The following CDC14A variants were observed in gnomAD, a reference collection of about 807,000 sequenced individuals.
CDC14A encodes dual specificity protein phosphatase CDC14A.
A neutral mutation model predicts 74.4 loss-of-function variants in CDC14A; 53 were observed. The ratio of observed to expected loss-of-function variants is 0.71; its 90% CI spans 0.57 to 0.89. The LOEUF (loss-of-function observed/expected upper bound fraction) is 0.89. Ranked by LOEUF, CDC14A falls within the 40% of genes least tolerant of loss-of-function variation. The pLI, the probability that CDC14A is intolerant of heterozygous loss-of-function variation, is 0.00. For missense variants in CDC14A, 646 were observed against 713.7 expected, an observed-to-expected ratio of 0.91 and a Z score of 1.08; for synonymous variants, 247 against 258.4, an observed-to-expected ratio of 0.96 and a Z score of 0.43.
intron 4 of CDC14A, among the ~76,000 whole-genome samples, chr1:100,403,698 T>TTAATCACCCTTTAATC (rs1488405879): frequency 1.3e-5 from 2 of 152,232 alleles, no homozygotes; most frequent in African/African-American, 2.4e-5. Flanking sequence ...ATCACTGTGT[T>TTAATCACCCTTTAATC]ACCCTTAAAG....
At chr1:100,443,303 G>A (rs953182109) in intron 7 of CDC14A, among the ~76,000 whole-genome samples, 1 of 151,760 alleles carries the variant, frequency 6.6e-6, no homozygotes, top group African/African-American at 2.4e-5. Context: ...TTAGAAATCA[G>A]GTTTTATTTA....
chr1:100,480,551 A>G lies in CDC14A; in HGVS notation c.978-3741A>G, dbSNP rs530867972. ...TGGATCATGTGGTAATTCTATGTTT[A>G]TCTTTCTGAGGAACTGTGAAACTGT... On this transcript the variant is annotated intron_variant, in intron 10 of 15. Coordinates refer to ENST00000336454, the MANE Select transcript of CDC14A (RefSeq NM_003672.4). Among the ~76,000 whole-genome samples the G allele has an allele frequency of 1.9e-3, 282 of 152,268 alleles. 3 individuals are homozygous for G. The Middle Eastern group carries it at 0.024, about 13-fold the overall frequency.
intron 1 of CDC14A, 124 bp downstream of exon 1, chr1:100,353,127 C>A: frequency 9.9e-7 from 1 of 1,011,400 alleles, no homozygotes; most frequent in East Asian, 2.6e-5. Flanking sequence ...GCGCTCTCGT[C>A]CCCTCTAGGG....
chr1:100,418,830 T>C (rs959129800), intron 4 of CDC14A, among the ~76,000 whole-genome samples: 2 of 152,170 alleles, frequency 1.3e-5, no homozygotes, highest in South Asian at 2.1e-4. Context: ...GTATCCTCCG[T>C]CTTTGCTCCC....
intron 2 of CDC14A, among the ~76,000 whole-genome samples, chr1:100,377,133 C>T (rs1032029895): frequency 5.9e-5 from 9 of 151,908 alleles, no homozygotes; most frequent in African/African-American, 1.9e-4. Context: ...CTCCACCTCC[C>T]GGGTTCAAGT....
intron 4 of CDC14A, among the ~76,000 whole-genome samples, chr1:100,411,622 T>C (rs551161692): frequency 6.6e-6 from 1 of 152,212 alleles, no homozygotes; most frequent in Admixed American, 6.5e-5. Flanking sequence ...GGCCTTCCCT[T>C]CTAATAAAAA....
chr1:100,459,114 C>CAGAGAGAGAGAG (rs1557781968), intron 8 of CDC14A, among the ~76,000 whole-genome samples: 1 of 147,974 alleles, frequency 6.8e-6, no homozygotes, highest in African/African-American at 2.6e-5. Context: ...CACACACACA[C>CAGAGAGAGAGAG]ACACACACAC....
At chr1:100,514,292 A>G (rs567851519) in intron 15 of CDC14A, among the ~76,000 whole-genome samples, 16 of 152,224 alleles carry the variant, frequency 1.1e-4, no homozygotes, top group Non-Finnish European at 2.1e-4. Flanking sequence ...AACTTTAATC[A>G]ACTCATAATA....
intron 5 of CDC14A, among the ~76,000 whole-genome samples, chr1:100,433,676 TAAG>T (rs1557755300): frequency 6.6e-6 from 1 of 152,226 alleles, no homozygotes; most frequent in Non-Finnish European, 1.5e-5. Flanking sequence ...TTATTCATAA[TAAG>T]AAATGCTTTC....
chr1:100,443,603 G>C (rs1398971538), intron 7 of CDC14A, among the ~76,000 whole-genome samples: 1 of 151,894 alleles, frequency 6.6e-6, no homozygotes, highest in Non-Finnish European at 1.5e-5. Context: ...CCAAAGTGCT[G>C]GGATTACAGG....
chr1:100,454,353 A>AG (rs1666458002), intron 7 of CDC14A, among the ~76,000 whole-genome samples: 1 of 143,050 alleles, frequency 7.0e-6, no homozygotes, highest in Admixed American at 6.9e-5. Context: ...GGGCAAGGGT[A>AG]GGGGTAGGTG....
At chr1:100,394,518 G>A (rs192919264) in intron 4 of CDC14A, among the ~76,000 whole-genome samples, 4 of 152,280 alleles carry the variant, frequency 2.6e-5, no homozygotes, top group African/African-American at 7.2e-5. Context: ...AATTAGATGC[G>A]TTGAGCTTGT....
chr1:100,491,572 A>ATTTTTTTTTT (rs59429516), intron 11 of CDC14A, among the ~76,000 whole-genome samples: 2 of 25,100 alleles, frequency 8.0e-5, no homozygotes, highest in African/African-American at 1.6e-4. Flanking sequence ...ATATATATAT[A>ATTTTTTTTTT]TTTTTTTTTT....
At chr1:100,390,915 T>C (rs1284456226) in intron 4 of CDC14A, 91 bp downstream of exon 4, 1 of 878,288 alleles carries the variant, frequency 1.1e-6, no homozygotes, top group Non-Finnish European at 1.9e-6. Flanking sequence ...TTCAGTGGGA[T>C]TGAGAGACGG....
At chr1:100,440,112 A>C in intron 6 of CDC14A, 114 bp downstream of exon 6, 1 of 746,070 alleles carries the variant, frequency 1.3e-6, no homozygotes, top group Non-Finnish European at 2.2e-6. Flanking sequence ...GCCAGTAAGT[A>C]GAAGGCTTTT....
At chr1:100,381,610 T>C (rs1310041057) in intron 3 of CDC14A, among the ~76,000 whole-genome samples, 1 of 152,228 alleles carries the variant, frequency 6.6e-6, no homozygotes, top group Non-Finnish European at 1.5e-5. Context: ...GATGTTTTTT[T>C]CCAGTTGATG....
At chr1:100,440,449 A>C (rs775971034) in intron 6 of CDC14A, among the ~76,000 whole-genome samples, 9 of 152,018 alleles carry the variant, frequency 5.9e-5, no homozygotes, top group Non-Finnish European at 1.0e-4. Flanking sequence ...GATTTGATGC[A>C]CTCCAAAGTT....
At chr1:100,476,623 T>A (rs1452369181) in intron 10 of CDC14A, among the ~76,000 whole-genome samples, 2 of 151,608 alleles carry the variant, frequency 1.3e-5, no homozygotes, top group African/African-American at 4.8e-5. Context: ...TTTTTTTTTT[T>A]AAATATATAT....
At chr1:100,455,580 G>A in intron 8 of CDC14A, 88 bp downstream of exon 8, 4 of 772,476 alleles carry the variant, frequency 5.2e-6, no homozygotes, top group South Asian at 1.7e-5. Flanking sequence ...TATTTTCTTT[G>A]GTAATATTCT....
Sources: gnomAD v4.1 joint callset for allele counts (sites outside exome capture counted in the v4.1 genomes callset) on GRCh38, gnomAD v4.1.1 for gene constraint, MANE v1.5 for transcripts, NCBI Gene and HGNC (gene_info 2026-07-23, HGNC 2026-07-21) for gene names.